NELL1: variants seen among roughly 807,000 people sequenced by gnomAD.
The protein encoded by NELL1 is neural EGFL like 1.
Under a neutral mutation model 107.4 loss-of-function variants are expected in NELL1, and 76 were observed. That is an observed-to-expected ratio of 0.71 (90% CI 0.59 to 0.86). The LOEUF (loss-of-function observed/expected upper bound fraction) is 0.86. Among genes scored for constraint, NELL1 ranks in the 40% least tolerant of loss-of-function variants. The pLI, the probability that NELL1 is intolerant of heterozygous loss-of-function variation, is 0.00. For synonymous variants in NELL1, 353 were observed against 341.2 expected, an observed-to-expected ratio of 1.03 and a Z score of -0.38; for missense variants, 1,024 against 1,005.5, an observed-to-expected ratio of 1.02 and a Z score of -0.25.
chr11:21,247,780 G>C (rs575056235), intron 14 of NELL1, among the ~76,000 whole-genome samples: 7 of 152,248 alleles, frequency 4.6e-5, no homozygotes, highest in African/African-American at 1.7e-4. Flanking sequence ...ATGCTATACC[G>C]TTATATGATT....
At chr11:20,713,670 A>T (rs1855168316) in intron 2 of NELL1, among the ~76,000 whole-genome samples, 1 of 151,988 alleles carries the variant, frequency 6.6e-6, no homozygotes, top group South Asian at 2.1e-4. Flanking sequence ...CCCAGATTTT[A>T]CTCAAGAAAA....
intron 12 of NELL1, among the ~76,000 whole-genome samples, chr11:20,966,114 T>G (rs1284651856): frequency 2.0e-5 from 3 of 152,178 alleles, no homozygotes; most frequent in African/African-American, 7.2e-5. Flanking sequence ...CTTTAGTTCG[T>G]TCATGCCGCT....
At chr11:20,874,061 G>A (rs1004690436) in intron 4 of NELL1, among the ~76,000 whole-genome samples, 9 of 151,886 alleles carry the variant, frequency 5.9e-5, no homozygotes, top group African/African-American at 2.2e-4. Flanking sequence ...CATTGAACCC[G>A]GTCTGAGTTT....
rs564103110 is a variant in NELL1 at position 21,126,344 on chromosome 11, A to G, written c.1426+12630A>G. On this transcript the variant is annotated intron_variant, in intron 13 of 19. Transcript: ENST00000357134. ...CGTAAGCAAGCACCTACTGTTGTCC[A>G]AAAACCTATTGAGATAATAAATAAA... Among the ~76,000 whole-genome samples, 3 of 141,428 alleles carry G rather than the reference A, an allele frequency of 2.1e-5. No homozygotes were observed. In the South Asian group the frequency reaches 6.9e-4, roughly 33 times the overall value. The allele number at this position is 141,428 out of a possible 152,430, so 92.8% of individuals were successfully genotyped here.
rs568411402 is a variant in NELL1, at chr11:21,344,934, T to A, written c.1550-25919T>A. ...TTTTCCTTGTAATTTAATCCTTTAATTTTAATAATTTTTATTGAAGTCTTT... is the reference window on the plus strand; with the variant it reads ...TTTTCCTTGTAATTTAATCCTTTAAATTTAATAATTTTTATTGAAGTCTTT... On this transcript the variant is annotated intron_variant, in intron 14 of 19. Transcript: ENST00000357134. Among the ~76,000 whole-genome samples the A allele has an allele frequency of 2.6e-5, 4 of 152,332 alleles. No homozygotes were observed. The East Asian group carries it at 7.7e-4, about 29-fold the overall frequency.
At chr11:21,441,816 T>A (rs1357230451) in intron 15 of NELL1, among the ~76,000 whole-genome samples, 1 of 152,210 alleles carries the variant, frequency 6.6e-6, no homozygotes, top group Non-Finnish European at 1.5e-5. Flanking sequence ...CAGATAATCC[T>A]GTACCAAATT....
intron 15 of NELL1, among the ~76,000 whole-genome samples, chr11:21,474,762 G>A (rs115258843): frequency 0.016 from 2,481 of 152,178 alleles, 72 homozygotes; most frequent in African/African-American, 0.056. Flanking sequence ...TCCCATTTCA[G>A]TAAAACCTAA....
At chr11:21,377,573 G>A (rs1194887818) in intron 15 of NELL1, among the ~76,000 whole-genome samples, 2 of 152,008 alleles carry the variant, frequency 1.3e-5, no homozygotes, top group Non-Finnish European at 2.9e-5. Flanking sequence ...ATGAGTTAGG[G>A]AAGAGTCCCT....
chr11:20,696,821 A>T (rs1326685628), intron 2 of NELL1, among the ~76,000 whole-genome samples: 3 of 152,194 alleles, frequency 2.0e-5, no homozygotes, highest in African/African-American at 7.2e-5. Flanking sequence ...AACCAGAATA[A>T]GTCTAGTACT....
chr11:20,998,691 G>T (rs563952426), intron 12 of NELL1, among the ~76,000 whole-genome samples: 4 of 152,282 alleles, frequency 2.6e-5, no homozygotes, highest in Admixed American at 2.0e-4. Context: ...GAAAACATCG[G>T]CTGTCTTCCA....
At chr11:21,158,166 G>A (rs1375108160) in intron 13 of NELL1, among the ~76,000 whole-genome samples, 1 of 152,090 alleles carries the variant, frequency 6.6e-6, no homozygotes, top group Non-Finnish European at 1.5e-5. Context: ...TTCAGCCTTG[G>A]ACTCTTGGAC....
At chr11:21,008,365 T>G (rs891881770) in intron 12 of NELL1, among the ~76,000 whole-genome samples, 4 of 152,178 alleles carry the variant, frequency 2.6e-5, no homozygotes, top group Non-Finnish European at 4.4e-5. Context: ...GAATATTTAT[T>G]TATTGACTAA....
At chr11:20,949,374 T>C (rs982671687) in intron 11 of NELL1, among the ~76,000 whole-genome samples, 1 of 152,230 alleles carries the variant, frequency 6.6e-6, no homozygotes, top group Non-Finnish European at 1.5e-5. Context: ...TTGATTTATC[T>C]GCTTTCATGG....
chr11:21,482,561 A>T (rs913564806), intron 15 of NELL1, among the ~76,000 whole-genome samples: 1 of 152,152 alleles, frequency 6.6e-6, no homozygotes, highest in Non-Finnish European at 1.5e-5. Context: ...GTACTAATAG[A>T]TGACAAATGC....
chr11:21,276,707 C>T (rs1848871292), intron 14 of NELL1, among the ~76,000 whole-genome samples: 1 of 152,080 alleles, frequency 6.6e-6, no homozygotes, highest in South Asian at 2.1e-4. Flanking sequence ...GAGATATAGA[C>T]CAATGGAACA....
At chr11:20,900,598 A>G (rs1206703707) in intron 5 of NELL1, among the ~76,000 whole-genome samples, 1 of 152,158 alleles carries the variant, frequency 6.6e-6, no homozygotes, top group African/African-American at 2.4e-5. Flanking sequence ...AAATGAGAAT[A>G]CCACTCATCT....
At chr11:20,713,201 G>T (rs903440225) in intron 2 of NELL1, among the ~76,000 whole-genome samples, 10 of 152,240 alleles carry the variant, frequency 6.6e-5, no homozygotes, top group Non-Finnish European at 1.5e-4. Context: ...TTTCTCAGGT[G>T]ATTGATGGGC....
At chr11:21,052,892 T>C (rs1853529705) in intron 12 of NELL1, among the ~76,000 whole-genome samples, 1 of 151,958 alleles carries the variant, frequency 6.6e-6, no homozygotes, top group Admixed American at 6.6e-5. Context: ...GTTGGAATGG[T>C]AGGCAGGACC....
intron 15 of NELL1, among the ~76,000 whole-genome samples, chr11:21,403,623 G>T (rs933236523): frequency 6.7e-6 from 1 of 149,178 alleles, no homozygotes; most frequent in African/African-American, 2.5e-5. Context: ...AAAAAAAAAT[G>T]TGCCTTTAAT....
Sources: allele counts gnomAD v4.1 joint callset (sites outside exome capture counted in the v4.1 genomes callset), GRCh38; gene constraint gnomAD v4.1.1; transcripts MANE v1.5; gene names NCBI Gene and HGNC (gene_info 2026-07-23, HGNC 2026-07-21).